The following ADGRL3 variants were observed in gnomAD, a reference collection of about 807,000 sequenced individuals.
The protein encoded by ADGRL3 is adhesion G protein-coupled receptor L3, also known as calcium-independent alpha-latrotoxin receptor 3.
ADGRL3 carries 62 observed loss-of-function variants against 153.5 expected under a neutral mutation model. That is an observed-to-expected ratio of 0.40 (90% CI 0.33 to 0.50). The LOEUF is 0.50. Ranked by LOEUF, ADGRL3 falls within the 20% of genes least tolerant of loss-of-function variation. ADGRL3 has a pLI of 0.47. For synonymous variants in ADGRL3, 710 were observed against 672.5 expected (o/e 1.06, Z -0.86); for missense variants, 1,641 against 1,859.4 (o/e 0.88, Z 2.16).
intron 1 of ADGRL3, among the ~76,000 whole-genome samples, chr4:61,343,167 TCAAGA>T (rs1258310987): frequency 6.6e-6 from 1 of 152,100 alleles, no homozygotes; most frequent in African/African-American, 2.4e-5. Context: ...GAGCTACAAT[TCAAGA>T]CGAGATTTGG....
chr4:61,818,293 T>C (rs2097711199), intron 9 of ADGRL3, among the ~76,000 whole-genome samples: 1 of 152,184 alleles, frequency 6.6e-6, no homozygotes, highest in Admixed American at 6.5e-5. Context: ...CATTAAACCT[T>C]AAAGCTCCTT....
intron 1 of ADGRL3, among the ~76,000 whole-genome samples, chr4:61,298,389 G>T (rs550446987): frequency 6.6e-6 from 1 of 152,072 alleles, no homozygotes; most frequent in Non-Finnish European, 1.5e-5. Flanking sequence ...CAATTGTGCC[G>T]GTAGAGATAA....
At chr4:61,376,177 T>C (rs2096600381) in intron 1 of ADGRL3, among the ~76,000 whole-genome samples, 1 of 152,140 alleles carries the variant, frequency 6.6e-6, no homozygotes, top group South Asian at 2.1e-4. Flanking sequence ...TATTTCATGA[T>C]ATAAACTGCA....
chr4:61,667,282 T>A (rs1452515298), intron 5 of ADGRL3, among the ~76,000 whole-genome samples: 1 of 152,180 alleles, frequency 6.6e-6, no homozygotes, highest in Admixed American at 6.6e-5. Flanking sequence ...AAGTCAATTT[T>A]ATATATTCCT....
At chr4:61,397,335 G>C (rs548073956) in intron 2 of ADGRL3, among the ~76,000 whole-genome samples, 89 of 151,942 alleles carry the variant, frequency 5.9e-4, no homozygotes, top group Non-Finnish European at 2.5e-4. Flanking sequence ...TAAGGAACAA[G>C]ACAGATGTGA....
chr4:61,621,238 A>ATT, intron 5 of ADGRL3, among the ~76,000 whole-genome samples: 1 of 151,926 alleles, frequency 6.6e-6, no homozygotes, highest in Non-Finnish European at 1.5e-5. Flanking sequence ...TCTCAATTAT[A>ATT]TAGTTTATTT....
chr4:61,645,196 G>T (rs950226841), intron 5 of ADGRL3, among the ~76,000 whole-genome samples: 6 of 152,248 alleles, frequency 3.9e-5, no homozygotes, highest in African/African-American at 1.4e-4. Flanking sequence ...CATGAGATGG[G>T]TTTTCTGAAT....
At chr4:61,646,104 C>T (rs1236731460) in intron 5 of ADGRL3, among the ~76,000 whole-genome samples, 5 of 152,078 alleles carry the variant, frequency 3.3e-5, no homozygotes, top group African/African-American at 7.2e-5. Context: ...GCATTCTTTA[C>T]GTAGTTCTCG....
intron 5 of ADGRL3, among the ~76,000 whole-genome samples, chr4:61,639,779 T>G (rs1040782056): frequency 6.6e-6 from 1 of 152,214 alleles, no homozygotes; most frequent in East Asian, 1.9e-4. Flanking sequence ...TATGTGTTCA[T>G]AAGTATAATT....
intron 22 of ADGRL3, 42 bp downstream of exon 22, chr4:62,028,923 G>C: frequency 6.4e-7 from 1 of 1,563,274 alleles, no homozygotes; most frequent in Non-Finnish European, 8.8e-7. Flanking sequence ...GTTTATCAGT[G>C]TGGTCCCATG....
At chr4:61,757,636 T>C (rs1472453376) in intron 8 of ADGRL3, among the ~76,000 whole-genome samples, 2 of 152,152 alleles carry the variant, frequency 1.3e-5, no homozygotes, top group Non-Finnish European at 1.5e-5. Flanking sequence ...TCTGCTCTGA[T>C]CTTAGTTATT....
intron 21 of ADGRL3, among the ~76,000 whole-genome samples, chr4:62,012,387 C>T (rs961646223): frequency 6.6e-5 from 10 of 152,198 alleles, no homozygotes; most frequent in Admixed American, 6.5e-4. Flanking sequence ...AGTTCATTGA[C>T]GTTTTACTAT....
chr4:61,358,116 G>GA (rs1387981643), intron 1 of ADGRL3, among the ~76,000 whole-genome samples: 4 of 152,190 alleles, frequency 2.6e-5, no homozygotes, highest in Admixed American at 2.0e-4. Context: ...TTGTTTTTCT[G>GA]AAAAAATATT....
intron 1 of ADGRL3, among the ~76,000 whole-genome samples, chr4:61,327,271 A>T (rs1453287474): frequency 6.7e-6 from 1 of 148,972 alleles, no homozygotes; most frequent in Non-Finnish European, 1.5e-5. Flanking sequence ...ATTTATGTAC[A>T]TCCAGAGCTT....
chr4:61,311,526 C>T (rs539747242), intron 1 of ADGRL3, among the ~76,000 whole-genome samples: 2 of 152,298 alleles, frequency 1.3e-5, no homozygotes, highest in Admixed American at 6.5e-5. Flanking sequence ...GTTAGTGCTC[C>T]TATGAACTCA....
chr4:62,023,060 G>A (rs1449353880), intron 21 of ADGRL3, among the ~76,000 whole-genome samples: 1 of 151,984 alleles, frequency 6.6e-6, no homozygotes, highest in Non-Finnish European at 1.5e-5. Context: ...CTTCTGGAAA[G>A]TATTCACTAT....
At chr4:61,653,816 C>T (rs13123468) in intron 5 of ADGRL3, among the ~76,000 whole-genome samples, 55,560 of 151,970 alleles carry the variant, frequency 0.37, 11,650 homozygotes, top group Non-Finnish European at 0.49. Context: ...ATCACAGTGA[C>T]GAGGGACATG....
chr4:61,888,462 A>G (rs1335975834), intron 9 of ADGRL3, among the ~76,000 whole-genome samples: 1 of 152,096 alleles, frequency 6.6e-6, no homozygotes, highest in Admixed American at 6.5e-5. Context: ...GCAAATCTAT[A>G]TTTTTTTCTC....
chr4:61,872,636 T>C (rs929290750), intron 9 of ADGRL3, among the ~76,000 whole-genome samples: 3 of 150,202 alleles, frequency 2.0e-5, no homozygotes, highest in Non-Finnish European at 4.4e-5. Flanking sequence ...CAGTTTCTAG[T>C]CTCAATGTTA....
Sources: gnomAD v4.1 joint callset for allele counts (sites outside exome capture counted in the v4.1 genomes callset) on GRCh38, gnomAD v4.1.1 for gene constraint, MANE v1.5 for transcripts, NCBI Gene and HGNC (gene_info 2026-07-23, HGNC 2026-07-21) for gene names.